The following LRTM1 variants were observed in gnomAD, a reference collection of about 807,000 sequenced individuals.
The protein encoded by LRTM1 is leucine rich repeat transmembrane protein 1, also known as leucine-rich repeat and transmembrane domain-containing protein 1.
In LRTM1, 38 loss-of-function variants were observed where a neutral mutation model predicts 32.4. That is an observed-to-expected ratio of 1.17 (90% CI 0.91 to 1.54). The LOEUF is 1.54. LRTM1 is among the 40% of genes most tolerant of loss of function. The probability of loss-of-function intolerance (pLI) is 0.00; values close to 1 mark genes in which losing one functional copy is unlikely to be tolerated. For missense variants in LRTM1, 466 were observed against 415.4 expected (o/e 1.12, Z -1.06); for synonymous variants, 186 against 169.9 (o/e 1.09, Z -0.74).
intron 1 of LRTM1, among the ~76,000 whole-genome samples, chr3:54,936,854 T>G (rs1701340964): frequency 6.6e-6 from 1 of 152,172 alleles, no homozygotes; most frequent in African/African-American, 2.4e-5. Flanking sequence ...CTCCTTCATG[T>G]GTTGTCAACA....
At chr3:54,919,434 G>A (rs900054560) in intron 2 of LRTM1, among the ~76,000 whole-genome samples, 4 of 152,200 alleles carry the variant, frequency 2.6e-5, no homozygotes, top group Non-Finnish European at 5.9e-5. Context: ...CTGTGGATTT[G>A]ACAATACTGG....
At chr3:54,959,435 C>T (rs1260114564) in intron 1 of LRTM1, among the ~76,000 whole-genome samples, 5 of 152,150 alleles carry the variant, frequency 3.3e-5, no homozygotes, top group African/African-American at 1.2e-4. Flanking sequence ...GGACTGCCCA[C>T]GTGGAGATTT....
rs1350299327 is a variant in LRTM1 at position 54,927,973 on chromosome 3, A to G, written c.-62T>C. On this transcript the variant is annotated 5_prime_UTR_variant, in exon 1 of 3. Transcript: ENST00000273286. ...GACCCTTTAATTAATGTGCAGAGCA[A>G]CACACGAAGGGCATGGCAGACTCAG... 10 of 1,540,862 alleles carry G rather than the reference A, an allele frequency of 6.5e-6. No individual in the cohort carries two copies. Among genetic ancestry groups the G allele is most frequent in the Admixed American group, 1.7e-5 (1 of 59,824 alleles).
chr3:54,946,855 C>G (rs1275077481), intron 1 of LRTM1, among the ~76,000 whole-genome samples: 2 of 151,662 alleles, frequency 1.3e-5, no homozygotes, highest in Admixed American at 6.6e-5. Context: ...TAGTCCCTGA[C>G]TGAGAGTACT....
intron 1 of LRTM1, among the ~76,000 whole-genome samples, chr3:54,955,066 G>T (rs994098959): frequency 2.0e-5 from 3 of 152,146 alleles, no homozygotes; most frequent in African/African-American, 7.2e-5. Context: ...ACAAAAGACC[G>T]ATTAGTAGGA....
upstream of LRTM1, among the ~76,000 whole-genome samples, chr3:54,932,350 T>C (rs944209071): frequency 6.8e-6 from 1 of 148,078 alleles, no homozygotes; most frequent in Non-Finnish European, 1.5e-5. Flanking sequence ...ACCCTATAAA[T>C]ACGCGTTGGT....
At chr3:54,943,462 G>A (rs1198518929) in intron 1 of LRTM1, among the ~76,000 whole-genome samples, 1 of 152,080 alleles carries the variant, frequency 6.6e-6, no homozygotes, top group Non-Finnish European at 1.5e-5. Context: ...CCACCAACAT[G>A]ACTGTATGCC....
chr3:54,931,146 C>G (rs1559634764), upstream of LRTM1, among the ~76,000 whole-genome samples: 1 of 152,172 alleles, frequency 6.6e-6, no homozygotes, highest in African/African-American at 2.4e-5. Context: ...CATGGATTTA[C>G]AGACTTCAAA....
intron 1 of LRTM1, among the ~76,000 whole-genome samples, chr3:54,950,771 A>G (rs946098856): frequency 1.3e-5 from 2 of 152,128 alleles, no homozygotes; most frequent in Non-Finnish European, 2.9e-5. Flanking sequence ...AATATCTTGC[A>G]CCTTGATCGG....
rs763248040 is a variant in LRTM1 at position 54,924,974 on chromosome 3, G to A, written c.249C>T (p.Asn83=). ...CAGGGGCCAGATTTGAAAGGGAATT[G>A]TTGGACAAGTTTAAGGTCATGAGCC... ...VPWLMTLNLS[N]NSLSNLAPGA... is the part of the protein sequence containing the mutation. Residue 83 remains asparagine (N), a synonymous_variant, in exon 2 of 3, where the codon AAC becomes AAT. Transcript: ENST00000273286. 1 of 1,611,606 alleles carries A rather than the reference G, an allele frequency of 6.2e-7. No homozygotes were observed. The highest frequency in any genetic ancestry group is 8.5e-7 in the Non-Finnish European group (1 of 1,177,764).
At chr3:54,930,551 T>C (rs1701161396), upstream of LRTM1, among the ~76,000 whole-genome samples, 1 of 152,090 alleles carries the variant, frequency 6.6e-6, no homozygotes, top group Admixed American at 6.5e-5. Flanking sequence ...GACAGCACAA[T>C]TGGATGTTGG....
chr3:54,952,197 T>C lies in LRTM1; in HGVS notation c.-222+14731A>G, dbSNP rs529378868. ...CTGCACCCCTGTTGGTTCTATACTA[T>C]TTCTTCCCTCTGTAACCGCCTTCTT... On this transcript the variant is annotated intron_variant, in intron 1 of 2. Transcript: ENST00000493075. 4.6e-5 allele frequency among the ~76,000 whole-genome samples: 7 copies of C among 152,288 alleles called. 1 individual carries two copies. The highest frequency in any genetic ancestry group is 1.7e-4 in the African/African-American group (7 of 41,568).
intron 1 of LRTM1, among the ~76,000 whole-genome samples, chr3:54,940,582 C>T (rs1167570258): frequency 6.6e-6 from 1 of 152,120 alleles, no homozygotes; most frequent in Admixed American, 6.5e-5. Context: ...GCAGCATTTT[C>T]AAAAACCTTG....
chr3:54,921,572 T>C (rs1171426365), intron 2 of LRTM1, among the ~76,000 whole-genome samples: 1 of 152,204 alleles, frequency 6.6e-6, no homozygotes, highest in South Asian at 2.1e-4. Flanking sequence ...TTTTGTGGTC[T>C]ATTTGAGGCC....
intron 1 of LRTM1, among the ~76,000 whole-genome samples, chr3:54,942,552 C>T (rs955014656): frequency 3.3e-5 from 5 of 152,114 alleles, no homozygotes; most frequent in Non-Finnish European, 7.3e-5. Context: ...TATATGAATG[C>T]AGTTTCTAAA....
intron 2 of LRTM1, among the ~76,000 whole-genome samples, chr3:54,924,337 C>T (rs1700946440): frequency 6.6e-6 from 1 of 152,176 alleles, no homozygotes; most frequent in Admixed American, 6.5e-5. Context: ...TGTCCTCCTT[C>T]TTAATAGCAT....
intron 1 of LRTM1, among the ~76,000 whole-genome samples, chr3:54,938,420 C>A (rs571202160): frequency 2.0e-5 from 3 of 152,328 alleles, no homozygotes; most frequent in African/African-American, 7.2e-5. Flanking sequence ...GTGCTTGAAG[C>A]AGACAGTATT....
At chr3:54,931,918 C>T (rs1701200671), upstream of LRTM1, among the ~76,000 whole-genome samples, 2 of 152,150 alleles carry the variant, frequency 1.3e-5, no homozygotes, top group South Asian at 2.1e-4. Flanking sequence ...CAGTGGTTCA[C>T]GCTTGCAATC....
intron 1 of LRTM1, among the ~76,000 whole-genome samples, chr3:54,965,732 G>A (rs549951135): frequency 3.3e-5 from 5 of 152,196 alleles, no homozygotes; most frequent in Non-Finnish European, 7.3e-5. Flanking sequence ...CCAGGGGCCA[G>A]TGTTACTGGA....
Sources: allele counts gnomAD v4.1 joint callset (sites outside exome capture counted in the v4.1 genomes callset), GRCh38; gene constraint gnomAD v4.1.1; transcripts MANE v1.5; gene names NCBI Gene and HGNC (gene_info 2026-07-23, HGNC 2026-07-21).